HIVEP3: variants seen among roughly 807,000 people sequenced by gnomAD.
HIVEP3 encodes the protein transcription factor HIVEP3.
A neutral mutation model predicts 152.8 loss-of-function variants in HIVEP3; 49 were observed. The observed-to-expected ratio is 0.32, with a 90% CI of 0.26 to 0.41. HIVEP3 has a LOEUF of 0.41. Ranked by LOEUF, HIVEP3 falls within the 10% of genes least tolerant of loss-of-function variation. The pLI, the probability that HIVEP3 is intolerant of heterozygous loss-of-function variation, is 1.00. For synonymous variants in HIVEP3, 1,269 were observed against 1,289.0 expected, an observed-to-expected ratio of 0.98 and a Z score of 0.33; for missense variants, 2,790 against 3,103.3, an observed-to-expected ratio of 0.90 and a Z score of 2.40.
At chr1:41,819,008 G>A (rs984762031) in intron 1 of HIVEP3, among the ~76,000 whole-genome samples, 5 of 152,238 alleles carry the variant, frequency 3.3e-5, no homozygotes, top group South Asian at 4.1e-4. Context: ...GGTATGGGCC[G>A]GAAGCTATTA....
intron 1 of HIVEP3, among the ~76,000 whole-genome samples, chr1:41,837,386 G>A (rs769493619): frequency 5.9e-5 from 9 of 152,086 alleles, no homozygotes; most frequent in Non-Finnish European, 1.2e-4. Flanking sequence ...GAGTGCAATG[G>A]TGCAATCTCA....
intron 2 of HIVEP3, among the ~76,000 whole-genome samples, chr1:41,676,020 C>T (rs1284539100): frequency 1.3e-5 from 2 of 151,900 alleles, no homozygotes; most frequent in Admixed American, 6.6e-5. Flanking sequence ...CGCTTCCCCT[C>T]GACCAGCTCT....
At chr1:41,814,805 A>G (rs1245086485) in intron 1 of HIVEP3, among the ~76,000 whole-genome samples, 2 of 152,208 alleles carry the variant, frequency 1.3e-5, no homozygotes, top group African/African-American at 4.8e-5. Context: ...TAAAATGGAG[A>G]GTTGCTCCTT....
chr1:41,661,963 T>C (rs1034903730), intron 2 of HIVEP3, among the ~76,000 whole-genome samples: 4 of 151,994 alleles, frequency 2.6e-5, no homozygotes, highest in Non-Finnish European at 5.9e-5. Flanking sequence ...GGCCCCTCAC[T>C]CCAAGGGTCC....
chr1:41,694,394 T>C (rs1646241724), intron 2 of HIVEP3, among the ~76,000 whole-genome samples: 2 of 152,156 alleles, frequency 1.3e-5, no homozygotes, highest in Non-Finnish European at 1.5e-5. Flanking sequence ...GCATGGCCTA[T>C]TTATACATTT....
At chr1:41,942,673 T>C (rs1645051689) in intron 1 of HIVEP3, among the ~76,000 whole-genome samples, 1 of 152,148 alleles carries the variant, frequency 6.6e-6, no homozygotes, top group Admixed American at 6.5e-5. Flanking sequence ...CAATTTGTAA[T>C]AGTAAATAAA....
chr1:41,517,285 C>T (rs79566168), intron 7 of HIVEP3, among the ~76,000 whole-genome samples: 363 of 152,262 alleles, frequency 2.4e-3, no homozygotes, highest in African/African-American at 8.1e-3. Flanking sequence ...GCTTTGACTT[C>T]CCTGACTTAA....
intron 1 of HIVEP3, among the ~76,000 whole-genome samples, chr1:41,804,190 G>A (rs778346828): frequency 9.9e-5 from 15 of 152,256 alleles, no homozygotes; most frequent in Middle Eastern, 3.4e-3. Context: ...CCCCACCTCC[G>A]ATTTCTGCCT....
intron 1 of HIVEP3, among the ~76,000 whole-genome samples, chr1:41,936,893 C>A (rs1479432220): frequency 6.6e-6 from 1 of 152,116 alleles, no homozygotes; most frequent in Non-Finnish European, 1.5e-5. Context: ...CCAGGGCTGT[C>A]CTAGGAAAAC....
intron 7 of HIVEP3, among the ~76,000 whole-genome samples, chr1:41,516,955 G>C (rs1012648994): frequency 4.6e-5 from 7 of 152,230 alleles, no homozygotes; most frequent in African/African-American, 1.7e-4. Context: ...ATCGTTCCTT[G>C]CCCAGCTCCC....
At chr1:41,566,346 A>C (rs1177208887) in intron 5 of HIVEP3, among the ~76,000 whole-genome samples, 2 of 152,138 alleles carry the variant, frequency 1.3e-5, no homozygotes, top group Non-Finnish European at 2.9e-5. Context: ...TCCTATCATG[A>C]CCAGGGAAGT....
At chr1:41,856,088 G>A (rs1557451996) in intron 1 of HIVEP3, among the ~76,000 whole-genome samples, 1 of 152,216 alleles carries the variant, frequency 6.6e-6, no homozygotes, top group South Asian at 2.1e-4. Flanking sequence ...ACCAGAGCAT[G>A]GGAATGTGAC....
At chr1:41,539,148 C>T (rs1471994550) in intron 5 of HIVEP3, among the ~76,000 whole-genome samples, 2 of 152,198 alleles carry the variant, frequency 1.3e-5, no homozygotes, top group Non-Finnish European at 2.9e-5. Context: ...CCTGCTGCAT[C>T]CTTGGATTAG....
chr1:41,534,367 C>G (rs1354202237), intron 5 of HIVEP3, among the ~76,000 whole-genome samples: 1 of 152,086 alleles, frequency 6.6e-6, no homozygotes, highest in Non-Finnish European at 1.5e-5. Context: ...TGCACTCCCC[C>G]TCCAGCCATG....
chr1:41,575,957 G>C (rs1644321587), intron 4 of HIVEP3, among the ~76,000 whole-genome samples: 1 of 152,162 alleles, frequency 6.6e-6, no homozygotes, highest in Non-Finnish European at 1.5e-5. Context: ...CATAAGACCT[G>C]TGTTTGTTCT....
chr1:41,831,003 T>TC (rs1642948489), intron 1 of HIVEP3, among the ~76,000 whole-genome samples: 1 of 152,228 alleles, frequency 6.6e-6, no homozygotes. Context: ...CTAGCATATT[T>TC]CCCCATTTTG....
Position 41,513,475 on chromosome 1 carries a change from T to C in HIVEP3, c.5746A>G (p.Ser1916Gly), listed in dbSNP as rs1327802367. 1.9e-6 allele frequency: 3 copies of C among 1,610,886 alleles called. No individual in the cohort carries two copies. The South Asian group carries it at 3.3e-5, about 18-fold the overall frequency. Residue 1916 changes from serine to glycine, a missense_variant, in exon 8 of 9, where the codon AGC (serine) becomes GGC (glycine). Around this residue, in one of 9 missense-constraint regions of HIVEP3, gnomAD observed 816 missense variants for 806.5 expected, o/e 1.01. Coordinates refer to ENST00000372583, the MANE Select transcript of HIVEP3 (RefSeq NM_024503.5). ...AGGCGCTCAGCTTCCGAGACCGAGC[T>C]GCCTCGTGTAGCCTCCGTGCCAGAG... The part of the protein sequence containing the change: ...PASGTEATRG[S>G]SVSEAERLTA...
chr1:41,705,301 C>T (rs1646416694), intron 1 of HIVEP3, among the ~76,000 whole-genome samples: 2 of 152,216 alleles, frequency 1.3e-5, no homozygotes, highest in Admixed American at 1.3e-4. Context: ...ATGATGCAGC[C>T]TCTGGAAGTT....
At chr1:41,842,335 T>C (rs1008154800) in intron 1 of HIVEP3, among the ~76,000 whole-genome samples, 1 of 152,072 alleles carries the variant, frequency 6.6e-6, no homozygotes, top group Non-Finnish European at 1.5e-5. Context: ...GAATCCCCCA[T>C]TGGCACTAAA....
Sources: gnomAD v4.1 joint callset for allele counts (sites outside exome capture counted in the v4.1 genomes callset) on GRCh38, gnomAD v4.1.1 for gene constraint, gnomAD v4.1.1 regional missense constraint, MANE v1.5 for transcripts, NCBI Gene and HGNC (gene_info 2026-07-23, HGNC 2026-07-21) for gene names.